Variants in SGCZ observed in about 807,000 individuals in gnomAD.
SGCZ encodes sarcoglycan zeta.
SGCZ carries 40 observed loss-of-function variants against 41.3 expected under a neutral mutation model. That is an observed-to-expected ratio of 0.97 (90% CI 0.75 to 1.26). The LOEUF (loss-of-function observed/expected upper bound fraction) is 1.26. Ranked by LOEUF, SGCZ falls within the 50% of genes most tolerant of loss-of-function variation. SGCZ has a pLI of 0.00. For synonymous variants in SGCZ, 206 were observed against 137.5 expected (o/e 1.50, Z -3.49); for missense variants, 552 against 369.8 (o/e 1.49, Z -4.04).
At chr8:15,228,642 G>C (rs1406741451) in intron 1 of SGCZ, among the ~76,000 whole-genome samples, 1 of 152,130 alleles carries the variant, frequency 6.6e-6, no homozygotes, top group African/African-American at 2.4e-5. Flanking sequence ...AGAAATACAG[G>C]TGATGATTCA....
intron 1 of SGCZ, among the ~76,000 whole-genome samples, chr8:15,160,366 C>G (rs1445293486): frequency 1.3e-5 from 2 of 152,086 alleles, no homozygotes; most frequent in African/African-American, 2.4e-5. Flanking sequence ...ATATCTACTC[C>G]GCTGTGTTTA....
intron 1 of SGCZ, among the ~76,000 whole-genome samples, chr8:14,650,746 C>CA (rs546493817): frequency 5.9e-4 from 90 of 152,122 alleles, no homozygotes; most frequent in African/African-American, 2.0e-3. Context: ...GAAAGCAATG[C>CA]AAAGAAAGCT....
chr8:14,832,148 T>C (rs1361728825), intron 1 of SGCZ, among the ~76,000 whole-genome samples: 4 of 152,160 alleles, frequency 2.6e-5, no homozygotes, highest in East Asian at 3.9e-4. Flanking sequence ...TAATTTCCCT[T>C]TTTAAGGCAT....
chr8:14,866,420 T>G (rs907844475), intron 1 of SGCZ, among the ~76,000 whole-genome samples: 2 of 152,246 alleles, frequency 1.3e-5, no homozygotes, highest in Middle Eastern at 3.4e-3. Flanking sequence ...CAGTCATTAT[T>G]CTGGTACTAT....
intron 1 of SGCZ, among the ~76,000 whole-genome samples, chr8:15,221,028 G>T (rs1437038751): frequency 3.9e-5 from 6 of 152,014 alleles, no homozygotes; most frequent in African/African-American, 1.5e-4. Flanking sequence ...TAGGGTATAG[G>T]GGGAGGGATA....
intron 5 of SGCZ, among the ~76,000 whole-genome samples, chr8:14,129,113 G>A (rs1425229184): frequency 3.3e-5 from 5 of 151,922 alleles, no homozygotes; most frequent in Non-Finnish European, 7.4e-5. Flanking sequence ...TTGGAAGGCC[G>A]AGGTGGGTGG....
At chr8:14,911,230 C>G (rs2130777044) in intron 1 of SGCZ, among the ~76,000 whole-genome samples, 1 of 152,170 alleles carries the variant, frequency 6.6e-6, no homozygotes, top group African/African-American at 2.4e-5. Context: ...GTGTCCACAT[C>G]TGGCTTCATT....
At chr8:14,745,246 G>A (rs1360301753) in intron 1 of SGCZ, among the ~76,000 whole-genome samples, 1 of 151,914 alleles carries the variant, frequency 6.6e-6, no homozygotes, top group Non-Finnish European at 1.5e-5. Context: ...ACATGTGTTA[G>A]TTGCCACCCC....
intron 6 of SGCZ, among the ~76,000 whole-genome samples, chr8:14,106,332 T>C: frequency 6.6e-6 from 1 of 152,192 alleles, no homozygotes; most frequent in East Asian, 1.9e-4. Flanking sequence ...ATGAAGACCG[T>C]AGCATCCTAT....
chr8:14,212,439 G>T (rs1585237139), intron 4 of SGCZ, among the ~76,000 whole-genome samples: 1 of 114,148 alleles, frequency 8.8e-6, no homozygotes, highest in East Asian at 2.6e-4. Flanking sequence ...CCTCTTCAAA[G>T]AGAACAACCA....
chr8:15,005,332 T>TTC (rs1554538162), intron 1 of SGCZ, among the ~76,000 whole-genome samples: 2 of 129,932 alleles, frequency 1.5e-5, no homozygotes, highest in African/African-American at 2.9e-5. Context: ...CTTTTTCTTT[T>TTC]TTTTTTTTTT....
chr8:14,509,471 T>C (rs1802406055), intron 2 of SGCZ, among the ~76,000 whole-genome samples: 1 of 152,196 alleles, frequency 6.6e-6, no homozygotes, highest in Non-Finnish European at 1.5e-5. Flanking sequence ...AAATATGATG[T>C]GCCCAAATTT....
At chr8:15,038,811 T>C (rs1361308290) in intron 1 of SGCZ, among the ~76,000 whole-genome samples, 1 of 102,606 alleles carries the variant, frequency 9.7e-6, no homozygotes, top group African/African-American at 4.6e-5. Flanking sequence ...AACTGACATT[T>C]CTCAAAAAAA....
chr8:15,045,151 C>A (rs1804256266), intron 1 of SGCZ, among the ~76,000 whole-genome samples: 3 of 150,722 alleles, frequency 2.0e-5, no homozygotes, highest in Admixed American at 1.3e-4. Context: ...TGTAAAATAC[C>A]CAACCAGAGG....
intron 1 of SGCZ, among the ~76,000 whole-genome samples, chr8:15,017,312 G>C (rs1013214287): frequency 4.6e-5 from 7 of 152,146 alleles, no homozygotes; most frequent in Admixed American, 1.3e-4. Flanking sequence ...ATAGTCAACA[G>C]AGGGCAGACA....
chr8:15,211,787 A>C (rs2117161672), intron 1 of SGCZ, among the ~76,000 whole-genome samples: 1 of 152,282 alleles, frequency 6.6e-6, no homozygotes, highest in African/African-American at 2.4e-5. Context: ...TGACCAAATT[A>C]TCATAAAACA....
chr8:14,602,000 G>A (rs550804407), intron 1 of SGCZ, among the ~76,000 whole-genome samples: 2 of 152,108 alleles, frequency 1.3e-5, no homozygotes, highest in Middle Eastern at 3.4e-3. Flanking sequence ...GGCGCCTGTA[G>A]TCCCAGCTAC....
At chr8:14,663,628 G>A (rs1807822375) in intron 1 of SGCZ, among the ~76,000 whole-genome samples, 1 of 152,046 alleles carries the variant, frequency 6.6e-6, no homozygotes, top group Admixed American at 6.6e-5. Context: ...CCAGCACCTG[G>A]AACATTGTAT....
At chr8:14,372,468 C>T (rs896380837) in intron 2 of SGCZ, among the ~76,000 whole-genome samples, 2 of 152,052 alleles carry the variant, frequency 1.3e-5, no homozygotes, top group African/African-American at 2.4e-5. Flanking sequence ...ACAGAACTTA[C>T]ATTTTGGTGA....
Sources: allele counts gnomAD v4.1 joint callset (sites outside exome capture counted in the v4.1 genomes callset), GRCh38; gene constraint gnomAD v4.1.1; transcripts MANE v1.5; gene names NCBI Gene and HGNC (gene_info 2026-07-23, HGNC 2026-07-21).